The following LTK variants were observed in gnomAD, a reference collection of about 807,000 sequenced individuals.
LTK encodes the protein leukocyte tyrosine kinase receptor.
A neutral mutation model predicts 101.5 loss-of-function variants in LTK; 117 were observed. That is an observed-to-expected ratio of 1.15 (90% CI 0.99 to 1.34). The LOEUF (loss-of-function observed/expected upper bound fraction) is 1.34, where lower values mean the gene tolerates loss of function less well. Ranked by LOEUF, LTK falls within the 40% of genes most tolerant of loss-of-function variation. The pLI, the probability that LTK is intolerant of heterozygous loss-of-function variation, is 0.00. For missense variants in LTK, 1,252 were observed against 1,164.7 expected, an observed-to-expected ratio of 1.07 and a Z score of -1.09; for synonymous variants, 563 against 494.2, an observed-to-expected ratio of 1.14 and a Z score of -1.85.
In LTK at chr15:41,509,130, C is replaced by T; in HGVS notation, c.998-1G>A. ...TTGTCAGTCTCTGAAGCGTCGCCCC[C>T]TGGAAGTGGAGAGTGATGGAGAGTT... On this transcript the variant is annotated splice_acceptor_variant, in intron 7 of 19. Transcript: ENST00000263800. LOFTEE classifies it high-confidence loss of function. 1 of 1,597,742 alleles carries T rather than the reference C, an allele frequency of 6.3e-7. No individual in the cohort carries two copies. Among genetic ancestry groups the T allele is most frequent in the South Asian group, 1.1e-5 (1 of 90,742 alleles).
In LTK at chr15:41,503,957, C is replaced by G; in HGVS notation, c.*39G>C. On this transcript the variant is annotated 3_prime_UTR_variant, in exon 20 of 20. Coordinates refer to ENST00000263800, the MANE Select transcript of LTK (RefSeq NM_002344.6). The stretch of plus-strand genomic sequence containing the variant: ...AGCCTGAGGAGTATAGGGAGGGACC[C>G]TCAGTGCCTCAGTCCTTACCCTCAG... The G allele has an allele frequency of 1.3e-6, 2 of 1,545,028 alleles. No individual in the cohort carries two copies. The highest frequency in any genetic ancestry group is 1.7e-6 in the Non-Finnish European group (2 of 1,149,472).
intron 3 of LTK, 81 bp from the exon 4 acceptor site, chr15:41,512,346 TC>T: frequency 7.5e-7 from 1 of 1,325,658 alleles, no homozygotes; most frequent in Non-Finnish European, 1.0e-6. Context: ...CAGAGGAGGC[TC>T]CAGAATTATT....
In LTK at chr15:41,513,110, G is replaced by A. The variant is rs756410274; in HGVS notation, c.54C>T (p.Leu18=). 6.2e-7 allele frequency: 1 copy of A among 1,602,644 alleles called. No individual in the cohort carries two copies. Among genetic ancestry groups the A allele is most frequent in the African/African-American group, 1.3e-5 (1 of 74,700 alleles). The stretch of plus-strand genomic sequence containing the variant: ...TCTCCTGGGACCCCGGGCTAGAGCA[G>A]AGAATGGCGCCTGAAAGGTGTTGGG... ...LVWFGAAGAI[L]CSSPGSQETF... is the part of the protein sequence containing the mutation. The change falls in exon 2 of 20, where the codon CTC becomes CTT. Residue 18 remains leucine, a synonymous_variant. Transcript: ENST00000263800.
chr15:41,505,375 T>TC, intron 14 of LTK, 26 bp downstream of exon 14: 2 of 1,612,466 alleles, frequency 1.2e-6, no homozygotes, highest in Middle Eastern at 3.3e-4. Flanking sequence ...TAGAGGGGCC[T>TC]GGGGGGGCTA....
At position 41,511,615 on chromosome 15, in the gene LTK, C is replaced by T; in HGVS notation, c.658-37G>A. ...GCGGCGTGTTCCAGGAAGCGCCCTC[C>T]AGCTGTCCAGGGGCACTGCCACTGG... On this transcript the variant is annotated intron_variant, in intron 5 of 19. Coordinates refer to ENST00000263800, the MANE Select transcript of LTK (RefSeq NM_002344.6). This position sits in a 1 kb window ranked among gnomAD's most constrained non-coding sequence, Gnocchi z 5.9. 7.0e-7 allele frequency: 1 copy of T among 1,422,056 alleles called. No individual in the cohort carries two copies. 88.1% of individuals were successfully genotyped at this position (1,422,056 alleles called of 1,614,324 possible). A position where few individuals can be genotyped will look rare whatever the true frequency, so the allele number is the denominator to read the frequency against.
At position 41,505,964 on chromosome 15, in the gene LTK, A is replaced by AGTCCCTCAT; in HGVS notation, c.1574_1582dup (p.Gly527_Leu528insHisGluGly). The stretch of plus-strand genomic sequence containing the variant: ...GGAGTCCCCAGGAAGGCCAATTACC[A>AGTCCCTCAT]GTCCCTCATACACCTCCCCAAAGGC... On this transcript the variant is annotated inframe_insertion, in exon 12 of 20. Transcript: ENST00000263800. 1.2e-6 allele frequency: 2 copies of AGTCCCTCAT among 1,614,006 alleles called. No individual in the cohort carries two copies. The highest frequency in any genetic ancestry group is 1.7e-6 in the Non-Finnish European group (2 of 1,179,946).
rs1160188925 is a variant in LTK, at chr15:41,504,185, TTCC to T, written c.2403_2405del (p.Glu802del). The T allele has an allele frequency of 8.1e-6, 13 of 1,613,466 alleles. No individual in the cohort carries two copies. Among genetic ancestry groups the T allele is most frequent in the Non-Finnish European group, 1.1e-5 (13 of 1,179,744 alleles). ...ATCTGTTCCCCAGCCCAGAAGTCCC[TTCC>T]TCCTCTGGGGTGGGCCCCAGCTCCA... On this transcript the variant is annotated inframe_deletion, in exon 20 of 20. Coordinates refer to ENST00000263800, the MANE Select transcript of LTK (RefSeq NM_002344.6).
chr15:41,505,026 C>A lies in LTK; in HGVS notation c.1964G>T (p.Gly655Val). 6.2e-7 allele frequency: 1 copy of A among 1,613,630 alleles called. No individual in the cohort carries two copies. Among genetic ancestry groups the A allele is most frequent in the African/African-American group, 1.3e-5 (1 of 75,040 alleles). Reference sequence around the variant, plus strand: ...CCCAATCTTGGCCACTCGGCTGGGTCCAGCGCAGCTCAGCAGGCAGTTCCG... The same window carrying A: ...CCCAATCTTGGCCACTCGGCTGGGTACAGCGCAGCTCAGCAGGCAGTTCCG... The part of the protein sequence containing the change: ...AARNCLLSCA[G>V]PSRVAKIGDF... Residue 655 changes from glycine to valine, a missense_variant, in exon 16 of 20, where the codon GGA (glycine) becomes GTA (valine). Gly to Val is a moderately radical substitution (Grantham distance 109). Transcript: ENST00000263800.
At position 41,505,042 on chromosome 15, in the gene LTK, G is replaced by A. The variant is rs1324048911; in HGVS notation, c.1948C>T (p.Leu650=). ...CGGCTGGGTCCAGCGCAGCTCAGCA[G>A]GCAGTTCCGGGCGGCAATATCCCTA... ...IHRDIAARNC[L]LSCAGPSRVA... is the part of the protein sequence containing the mutation. The change falls in exon 16 of 20, where the codon CTG becomes TTG. Residue 650 remains leucine, a synonymous_variant. Coordinates refer to ENST00000263800, the MANE Select transcript of LTK (RefSeq NM_002344.6). 1 of 1,613,326 alleles carries A rather than the reference G, an allele frequency of 6.2e-7. No homozygotes were observed. Among genetic ancestry groups the A allele is most frequent in the Non-Finnish European group, 8.5e-7 (1 of 1,179,600 alleles).
At position 41,511,312 on chromosome 15, in the gene LTK, A is replaced by T; in HGVS notation, c.849T>A (p.Ser283=). The T allele has an allele frequency of 1.5e-6, 2 of 1,365,534 alleles. No homozygotes were observed. Among genetic ancestry groups the T allele is most frequent in the African/African-American group, 3.1e-5 (2 of 65,042 alleles). 84.6% of individuals were successfully genotyped at this position (1,365,534 alleles called of 1,614,324 possible). Residue 283 remains serine (S), a synonymous_variant, in exon 7 of 20, where the codon TCT becomes TCA. Transcript: ENST00000263800. The surrounding 1 kb of genome is among the most constrained non-coding windows in gnomAD (Gnocchi z 5.9). Reference sequence around the variant, plus strand: ...CCTGCAGTGAGCGGCCGGCCTGCGGAGAGGGAGCCCGCGACGTCCAGCCGC... The same window carrying T: ...CCTGCAGTGAGCGGCCGGCCTGCGGTGAGGGAGCCCGCGACGTCCAGCCGC... ...GGGGWTSRAP[S]PQAGRSLQEG...
chr15:41,504,778 A>C lies in LTK; in HGVS notation c.2115T>G (p.Asp705Glu), dbSNP rs749925163. The C allele has an allele frequency of 1.9e-6, 3 of 1,599,810 alleles. No individual in the cohort carries two copies. In the African/African-American group the frequency reaches 4.1e-5, roughly 22 times the overall value. Residue 705 changes from aspartate to glutamate, a missense_variant, in exon 17 of 20, where the codon GAT becomes GAG. By Grantham distance (45) the Asp-to-Glu change is conservative. Coordinates refer to ENST00000263800, the MANE Select transcript of LTK (RefSeq NM_002344.6). ...FLEGIFTSKT[D>E]SWSFGVLLWE... is the part of the protein sequence containing the mutation. ...GAGGGGAAGGGTGTTATCACCAGGAATCTGTCTTGGATGTGAAGATGCCCT... is the reference window on the plus strand; with the variant it reads ...GAGGGGAAGGGTGTTATCACCAGGACTCTGTCTTGGATGTGAAGATGCCCT...
Position 41,505,324 on chromosome 15 carries a change from G to A in LTK, c.1828-19C>T, listed in dbSNP as rs373916471. On this transcript the variant is annotated intron_variant, in intron 14 of 19. Transcript: ENST00000263800. Reference sequence around the variant, plus strand: ...GCTGGCCCTGGGTCAGGCAGAGGGGGCATCAGTCCATGTAGGTCTCAGACA... The same window carrying A: ...GCTGGCCCTGGGTCAGGCAGAGGGGACATCAGTCCATGTAGGTCTCAGACA... The A allele has an allele frequency of 5.6e-6, 9 of 1,613,418 alleles. No homozygotes were observed. The highest frequency in any genetic ancestry group is 7.6e-6 in the Non-Finnish European group (9 of 1,179,558).
At position 41,503,900 on chromosome 15, in the gene LTK, A is replaced by G. The variant is rs187315130; in HGVS notation, c.*96T>C. The G allele has an allele frequency of 1.9e-4, 264 of 1,367,478 alleles. 1 individual carries two copies. The African/African-American group carries it at 3.4e-3, about 18-fold the overall frequency. The allele number at this position is 1,367,478 out of a possible 1,614,324, so 84.7% of individuals were successfully genotyped here. A position where few individuals can be genotyped will look rare whatever the true frequency, so the allele number is the denominator to read the frequency against. The stretch of plus-strand genomic sequence containing the variant: ...AGACACACAGCACAGACTGCAGGGA[A>G]CAGAGGCCGCTGGCATAACAGGCCA... On this transcript the variant is annotated 3_prime_UTR_variant, in exon 20 of 20. Transcript: ENST00000263800.
In LTK at chr15:41,508,050, G is replaced by C. The variant is rs748777121; in HGVS notation, c.1249+19C>G. 1 of 1,572,774 alleles carries C rather than the reference G, an allele frequency of 6.4e-7. No individual in the cohort carries two copies. Among genetic ancestry groups the C allele is most frequent in the Non-Finnish European group, 8.6e-7 (1 of 1,159,284 alleles). ...CTGTGACCCCAGGAGTCCAGACCTTGGGCAAAGGTAGGACATACCCATGCA... is the reference window on the plus strand; with the variant it reads ...CTGTGACCCCAGGAGTCCAGACCTTCGGCAAAGGTAGGACATACCCATGCA... On this transcript the variant is annotated intron_variant, in intron 9 of 19. Transcript: ENST00000263800.
chr15:41,504,290 C>T (rs368934173), intron 19 of LTK, 46 bp from the exon 20 acceptor site: 72 of 1,609,488 alleles, frequency 4.5e-5, no homozygotes, highest in African/African-American at 1.1e-4. Context: ...AGTTTTCTGG[C>T]CCTCCCTCCT....
chr15:41,508,168 A>C lies in LTK; in HGVS notation c.1150T>G (p.Cys384Gly). 3.1e-6 allele frequency: 5 copies of C among 1,613,438 alleles called. No individual in the cohort carries two copies. Among genetic ancestry groups the C allele is most frequent in the Non-Finnish European group, 3.4e-6 (4 of 1,179,814 alleles). Residue 384 changes from cysteine to glycine, a missense_variant, in exon 9 of 20, where the codon TGC becomes GGC. By Grantham distance (159) the Cys-to-Gly change is radical. Coordinates refer to ENST00000263800, the MANE Select transcript of LTK (RefSeq NM_002344.6). ...TGCCATTGGCAGTCTCTCAAAGGGC[A>C]GTGACTGCAGTTGAGGTGCCTTCGG... ...EIRRHLNCSH[C>G]PLRDCQWQAE...
chr15:41,513,181 AAGAG>A (rs1405703825), intron 1 of LTK, 61 bp from the exon 2 acceptor site: 3 of 1,507,028 alleles, frequency 2.0e-6, no homozygotes, highest in African/African-American at 2.8e-5. Flanking sequence ...ATATGAAAGA[AAGAG>A]AGAACCCCGC....
rs2051540260 is a variant in LTK, at chr15:41,512,982, G to A, written c.182C>T (p.Ser61Phe). 1 of 1,613,714 alleles carries A rather than the reference G, an allele frequency of 6.2e-7. No individual in the cohort carries two copies. The highest frequency in any genetic ancestry group is 8.5e-7 in the Non-Finnish European group (1 of 1,179,944). The change falls in exon 2 of 20, where the codon TCT (serine) becomes TTT (phenylalanine). Residue 61 changes from serine to phenylalanine, a missense_variant. Physicochemically the swap from Ser to Phe is radical, Grantham distance 155. Coordinates refer to ENST00000263800, the MANE Select transcript of LTK (RefSeq NM_002344.6). ...AGGAGGCGTCTAAAGCTCACCCGGA[G>A]AATTCAGCGGGGAGGCTGGCTCCAA... ...SILEPASPLN[S>F]PGTEGSWLFS...
At position 41,504,815 on chromosome 15, in the gene LTK, T is replaced by G. The variant is rs1395249849; in HGVS notation, c.2078A>C (p.Glu693Ala). ...ALLPVKWMPP[E>A]AFLEGIFTSK... ...TGTGAAGATGCCCTCCAGGAAGGCC[T>G]CTGGGGGCATCCACTTGACTGGGAG... The change falls in exon 17 of 20, where the codon GAG (glutamate) becomes GCG (alanine). Residue 693 changes from glutamate to alanine, a missense_variant. Coordinates refer to ENST00000263800, the MANE Select transcript of LTK (RefSeq NM_002344.6). 2 of 1,613,298 alleles carry G rather than the reference T, an allele frequency of 1.2e-6. No homozygotes were observed. Among genetic ancestry groups the G allele is most frequent in the Non-Finnish European group, 1.7e-6 (2 of 1,179,864 alleles).
Sources: allele counts gnomAD v4.1 joint callset, GRCh38; gene constraint gnomAD v4.1.1; non-coding constraint Gnocchi (gnomAD v3.1); transcripts MANE v1.5; gene names NCBI Gene and HGNC (gene_info 2026-07-23, HGNC 2026-07-21).